The following PDE1C variants were observed in gnomAD, a reference collection of about 807,000 sequenced individuals.
The protein encoded by PDE1C is phosphodiesterase 1C.
In PDE1C, 62 loss-of-function variants were observed where a neutral mutation model predicts 93.1. That is an observed-to-expected ratio of 0.67 (90% CI 0.54 to 0.82). The LOEUF is 0.82. Among genes scored for constraint, PDE1C ranks in the 40% least tolerant of loss-of-function variants. The pLI is 0.00. For missense variants in PDE1C, 742 were observed against 884.6 expected (o/e 0.84, Z 2.04); for synonymous variants, 325 against 310.1 (o/e 1.05, Z -0.50).
In PDE1C at chr7:31,943,873, T is replaced by G. The variant is rs1806193656; in HGVS notation, c.129-63013A>C. Among the ~76,000 whole-genome samples, 4 of 152,180 alleles carry G rather than the reference T, an allele frequency of 2.6e-5. No homozygotes were observed. In the South Asian group the frequency reaches 8.3e-4, roughly 32 times the overall value. On this transcript the variant is annotated intron_variant, in intron 2 of 17. Transcript: ENST00000396191. ...GAACTATGGCAGAATCTTTAAAATA[T>G]AATTTCTTAAACATATTAATAGCTA... is the stretch of plus-strand genomic sequence containing the variant.
chr7:31,895,755 A>C (rs1222418600), intron 2 of PDE1C, among the ~76,000 whole-genome samples: 1 of 152,006 alleles, frequency 6.6e-6, no homozygotes. Flanking sequence ...TTCTCGTGAC[A>C]GTGAATAAGT....
At chr7:31,673,129 G>C in the PDE1C span, among the ~76,000 whole-genome samples, 1 of 152,114 alleles carries the variant, frequency 6.6e-6, no homozygotes, top group Non-Finnish European at 1.5e-5. Context: ...CTTTATAGCA[G>C]TGTGAAAATG....
At chr7:31,952,529 C>T (rs1323098549) in intron 2 of PDE1C, among the ~76,000 whole-genome samples, 9 of 152,124 alleles carry the variant, frequency 5.9e-5, no homozygotes, top group Admixed American at 3.3e-4. Flanking sequence ...GTATTACAGG[C>T]GTGAGCCACT....
chr7:32,310,396 G>C (rs1008810656), intron 1 of PDE1C, among the ~76,000 whole-genome samples: 2 of 152,180 alleles, frequency 1.3e-5, no homozygotes, highest in African/African-American at 2.4e-5. Context: ...CTGCCACCAA[G>C]CAGACCTGGT....
chr7:32,311,000 C>T (rs542091664), intron 1 of PDE1C, among the ~76,000 whole-genome samples: 29 of 151,936 alleles, frequency 1.9e-4, no homozygotes, highest in South Asian at 6.3e-4. Flanking sequence ...ATTGATAGAC[C>T]GCTAGCAAGA....
the PDE1C span, among the ~76,000 whole-genome samples, chr7:31,742,503 G>A: frequency 2.0e-5 from 3 of 152,128 alleles, no homozygotes; most frequent in African/African-American, 4.8e-5. Flanking sequence ...AGGTGTGTTC[G>A]AGGCCACCCT....
At chr7:31,730,650 G>A in the PDE1C span, among the ~76,000 whole-genome samples, 1 of 152,194 alleles carries the variant, frequency 6.6e-6, no homozygotes, top group Non-Finnish European at 1.5e-5. Context: ...TACTTTATTA[G>A]GTACTGCAGA....
rs183340586 is a variant in PDE1C, at chr7:32,293,664, G to A, written c.85+4987C>T. Reference sequence around the variant, plus strand: ...AGAATGGAAGAGGATGAACAGCAGAGCAGAGACTGCAAGCCTCCGTTTGCA... The same window carrying A: ...AGAATGGAAGAGGATGAACAGCAGAACAGAGACTGCAAGCCTCCGTTTGCA... On this transcript the variant is annotated intron_variant, in intron 1 of 18. Transcript: ENST00000396193. Among the ~76,000 whole-genome samples, 18 of 152,270 alleles carry A rather than the reference G, an allele frequency of 1.2e-4. No individual in the cohort carries two copies. In the East Asian group the frequency reaches 1.4e-3, roughly 11 times the overall value.
rs193075943 is a variant in PDE1C at position 31,806,384 on chromosome 7, C to T, written c.1891+2647G>A. Among the ~76,000 whole-genome samples, 1,248 of 152,082 alleles carry T rather than the reference C, an allele frequency of 8.2e-3. 53 individuals are homozygous for T. Among genetic ancestry groups the T allele is most frequent in the Admixed American group, 0.076 (1,162 of 15,248 alleles). Reference sequence around the variant, plus strand: ...TATATTTGTGTGGTAACCCACAAATCTTCCGATGCCAATGGAAAAGTTTAA... The same window carrying T: ...TATATTTGTGTGGTAACCCACAAATTTTCCGATGCCAATGGAAAAGTTTAA... On this transcript the variant is annotated intron_variant, in intron 16 of 17. Coordinates refer to ENST00000396191, the MANE Select transcript of PDE1C (RefSeq NM_001191057.4).
upstream of PDE1C, among the ~76,000 whole-genome samples, chr7:32,074,665 T>TG (rs1796253181): frequency 6.6e-6 from 1 of 152,158 alleles, no homozygotes; most frequent in African/African-American, 2.4e-5. Context: ...TCATTCATGC[T>TG]GTGGGGAAAT....
chr7:32,234,541 G>A (rs1807936511), intron 1 of PDE1C, among the ~76,000 whole-genome samples: 1 of 151,878 alleles, frequency 6.6e-6, no homozygotes, highest in Non-Finnish European at 1.5e-5. Context: ...AACTCCTCAG[G>A]CTTCAGATTT....
chr7:32,409,171 A>G (rs1785115966), intron 1 of PDE1C, among the ~76,000 whole-genome samples: 1 of 152,088 alleles, frequency 6.6e-6, no homozygotes, highest in African/African-American at 2.4e-5. Context: ...AGCCTGGGCA[A>G]CATGGTGAAA....
chr7:32,129,586 T>C (rs1368077190), intron 3 of PDE1C, among the ~76,000 whole-genome samples: 1 of 152,014 alleles, frequency 6.6e-6, no homozygotes, highest in Admixed American at 6.6e-5. Flanking sequence ...ACATCAGTAG[T>C]GGTTTATCAA....
At chr7:32,341,519 G>T (rs932882664) in intron 1 of PDE1C, among the ~76,000 whole-genome samples, 1 of 152,152 alleles carries the variant, frequency 6.6e-6, no homozygotes, top group African/African-American at 2.4e-5. Flanking sequence ...GAGCACAGAT[G>T]AAACAGGGGC....
chr7:31,622,456 C>T, the PDE1C span, among the ~76,000 whole-genome samples: 1 of 151,074 alleles, frequency 6.6e-6, no homozygotes, highest in Non-Finnish European at 1.5e-5. Context: ...AAGAAACTCA[C>T]TCAAAACTGC....
the PDE1C span, among the ~76,000 whole-genome samples, chr7:31,702,512 T>A: frequency 6.6e-6 from 1 of 152,210 alleles, no homozygotes; most frequent in South Asian, 2.1e-4. Context: ...GTCAGCCAGC[T>A]CGAAGCCTCT....
intron 2 of PDE1C, among the ~76,000 whole-genome samples, chr7:32,042,950 C>G (rs890720542): frequency 1.3e-5 from 2 of 152,116 alleles, no homozygotes; most frequent in African/African-American, 2.4e-5. Flanking sequence ...GACACTGAAC[C>G]AGAGAGGAGC....
In PDE1C at chr7:32,156,957, A is replaced by T. The variant is rs145431910; in HGVS notation, c.308+12828T>A. Among the ~76,000 whole-genome samples the T allele has an allele frequency of 1.2e-3, 187 of 152,332 alleles. 1 individual carries two copies. Among genetic ancestry groups the T allele is most frequent in the African/African-American group, 4.3e-3 (179 of 41,582 alleles). On this transcript the variant is annotated intron_variant, in intron 3 of 18. Coordinates refer to the PDE1C transcript ENST00000396193. Reference sequence around the variant, plus strand: ...TTAACCAGTGATCAAAGTCAACGTCACCCATAATAGGATAAATCTCCTTCC... The same window carrying T: ...TTAACCAGTGATCAAAGTCAACGTCTCCCATAATAGGATAAATCTCCTTCC...
At chr7:32,243,998 CG>C (rs1808730026) in intron 1 of PDE1C, among the ~76,000 whole-genome samples, 1 of 152,152 alleles carries the variant, frequency 6.6e-6, no homozygotes, top group South Asian at 2.1e-4. Flanking sequence ...CTATGAGATA[CG>C]CTTCCTCTAC....
Sources: gnomAD v4.1 joint callset for allele counts (sites outside exome capture counted in the v4.1 genomes callset) on GRCh38, gnomAD v4.1.1 for gene constraint, MANE v1.5 for transcripts, NCBI Gene and HGNC (gene_info 2026-07-23, HGNC 2026-07-21) for gene names.